ST3GAL3: variants seen among roughly 807,000 people sequenced by gnomAD.
ST3GAL3 encodes ST3 beta-galactoside alpha-2,3-sialyltransferase 3, also known as CMP-N-acetylneuraminate-beta-1,4-galactoside alpha-2,3-sialyltransferase.
A neutral mutation model predicts 50.1 loss-of-function variants in ST3GAL3; 21 were observed. That is an observed-to-expected ratio of 0.42 (90% CI 0.30 to 0.60). The LOEUF (loss-of-function observed/expected upper bound fraction) is 0.60. Among genes scored for constraint, ST3GAL3 ranks in the 20% least tolerant of loss-of-function variants. ST3GAL3 has a pLI of 0.19. For missense variants in ST3GAL3, 353 were observed against 489.4 expected (o/e 0.72, Z 2.63); for synonymous variants, 183 against 190.0 (o/e 0.96, Z 0.30).
intron 5 of ST3GAL3, among the ~76,000 whole-genome samples, chr1:43,849,332 T>C (rs2066854260): frequency 6.6e-6 from 1 of 152,108 alleles, no homozygotes; most frequent in South Asian, 2.1e-4. Flanking sequence ...GCAGCATCAA[T>C]ATTTTGACAG....
At chr1:43,893,383 A>G (rs1250383275) in intron 5 of ST3GAL3, among the ~76,000 whole-genome samples, 1 of 152,242 alleles carries the variant, frequency 6.6e-6, no homozygotes, top group Non-Finnish European at 1.5e-5. Flanking sequence ...TTCTCAGCAC[A>G]CAGTGAGTGA....
intron 2 of ST3GAL3, among the ~76,000 whole-genome samples, chr1:43,779,157 G>C (rs777134793): frequency 3.4e-5 from 5 of 147,826 alleles, no homozygotes; most frequent in South Asian, 2.2e-4. Flanking sequence ...TGCCAGGCTA[G>C]TCTCAAACTC....
Position 43,899,739 on chromosome 1 carries a change from T to G in ST3GAL3, c.744+12T>G. 1 of 1,613,142 alleles carries G rather than the reference T, an allele frequency of 6.2e-7. No individual in the cohort carries two copies. The highest frequency in any genetic ancestry group is 2.2e-5 in the East Asian group (1 of 44,866). ...ACAAGGAGAGAGTGGTAAGCTCTCC[T>G]GGCACCAGCTTCTTCCCCTCTTGCC... On this transcript the variant is annotated intron_variant, in intron 9 of 11. Coordinates refer to ENST00000347631, the MANE Select transcript of ST3GAL3 (RefSeq NM_006279.5). This position sits in a 1 kb window ranked among gnomAD's most constrained non-coding sequence, Gnocchi z 5.4.
rs28705699 is a variant in ST3GAL3 at position 43,918,640 on chromosome 1, T to C, written c.745-1764T>C. Among the ~76,000 whole-genome samples the C allele has an allele frequency of 5.3e-5, 8 of 152,274 alleles. No homozygotes were observed. The East Asian group carries it at 1.3e-3, about 26-fold the overall frequency. On this transcript the variant is annotated intron_variant, in intron 9 of 11. Transcript: ENST00000347631. Reference sequence around the variant, plus strand: ...TTGTAATAAGTGCAAACCCATAATATACTGTAATACCTAATTTTTAATTTG... The same window carrying C: ...TTGTAATAAGTGCAAACCCATAATACACTGTAATACCTAATTTTTAATTTG...
chr1:43,813,663 G>A (rs1237060936), intron 3 of ST3GAL3, among the ~76,000 whole-genome samples: 1 of 152,114 alleles, frequency 6.6e-6, no homozygotes. Context: ...CTTGCAGAAC[G>A]ACTCCTGGGA....
At chr1:43,898,698 G>C (rs803680) in intron 7 of ST3GAL3, among the ~76,000 whole-genome samples, 87,225 of 151,990 alleles carry the variant, frequency 0.57, 28,986 homozygotes, top group Non-Finnish European at 0.75. Context: ...AGGGATGGGA[G>C]AAGCAAGATG....
chr1:43,761,403 G>A (rs1014187203), intron 2 of ST3GAL3, among the ~76,000 whole-genome samples: 21 of 151,904 alleles, frequency 1.4e-4, no homozygotes, highest in African/African-American at 3.6e-4. Context: ...TATTGTGGTC[G>A]TGTAAAGAAA....
chr1:43,887,733 C>T (rs994795687), intron 5 of ST3GAL3, among the ~76,000 whole-genome samples: 2 of 152,142 alleles, frequency 1.3e-5, no homozygotes, highest in Non-Finnish European at 2.9e-5. Flanking sequence ...TAGATGATCG[C>T]TTGAAACTTG....
At chr1:43,721,496 G>T (rs1335639015) in intron 1 of ST3GAL3, among the ~76,000 whole-genome samples, 1 of 151,642 alleles carries the variant, frequency 6.6e-6, no homozygotes, top group Non-Finnish European at 1.5e-5. Flanking sequence ...TAGAGACGGG[G>T]TTTCTCTGTG....
intron 4 of ST3GAL3, among the ~76,000 whole-genome samples, chr1:43,828,712 A>C (rs1195715869): frequency 6.6e-6 from 1 of 152,158 alleles, no homozygotes; most frequent in Non-Finnish European, 1.5e-5. Flanking sequence ...AAATACTATC[A>C]CACCTATTAG....
chr1:43,730,405 A>G (rs1675096250), intron 1 of ST3GAL3, among the ~76,000 whole-genome samples: 1 of 152,076 alleles, frequency 6.6e-6, no homozygotes, highest in African/African-American at 2.4e-5. Context: ...AGAAAAGAAA[A>G]TTCTTTCTAA....
intron 1 of ST3GAL3, among the ~76,000 whole-genome samples, chr1:43,733,382 G>C (rs117287497): frequency 6.6e-6 from 1 of 152,262 alleles, no homozygotes; most frequent in East Asian, 1.9e-4. Context: ...TTCCCTACAG[G>C]TAAGCATGCT....
Position 43,930,326 on chromosome 1 carries a change from C to A in ST3GAL3, c.*105C>A. ...CCCAGAGAAGGACGGTGCCAAGGGC[C>A]CCAGGGGCAGCAAGGCCTTGGTGGA... On this transcript the variant is annotated 3_prime_UTR_variant, in exon 12 of 12. Coordinates refer to ENST00000347631, the MANE Select transcript of ST3GAL3 (RefSeq NM_006279.5). 8.7e-7 allele frequency: 1 copy of A among 1,149,150 alleles called. No homozygotes were observed. The highest frequency in any genetic ancestry group is 1.3e-6 in the Non-Finnish European group (1 of 768,678). 71.2% of individuals were successfully genotyped at this position (1,149,150 alleles called of 1,614,324 possible).
chr1:43,841,590 G>A (rs2065388928), intron 5 of ST3GAL3: 1 of 152,236 alleles, frequency 6.6e-6, no homozygotes, highest in Non-Finnish European at 1.5e-5. Context: ...GTTGCATAGG[G>A]GTGAGGCCCT....
At chr1:43,784,149 C>T (rs958454299) in intron 2 of ST3GAL3, among the ~76,000 whole-genome samples, 1 of 152,160 alleles carries the variant, frequency 6.6e-6, no homozygotes, top group Non-Finnish European at 1.5e-5. Flanking sequence ...AAGGTCATCT[C>T]ATACCAGCTT....
intron 3 of ST3GAL3, among the ~76,000 whole-genome samples, chr1:43,813,586 GA>G (rs2060823623): frequency 6.6e-6 from 1 of 152,132 alleles, no homozygotes; most frequent in Non-Finnish European, 1.5e-5. Flanking sequence ...TCAATTTTAA[GA>G]AGAGGATTTA....
chr1:43,774,731 TG>T (rs1696535599), intron 2 of ST3GAL3, among the ~76,000 whole-genome samples: 1 of 152,220 alleles, frequency 6.6e-6, no homozygotes, highest in African/African-American at 2.4e-5. Flanking sequence ...AAAGATGACC[TG>T]TTTCCAGATC....
At chr1:43,852,975 G>C (rs1398209234) in intron 5 of ST3GAL3, among the ~76,000 whole-genome samples, 1 of 152,100 alleles carries the variant, frequency 6.6e-6, no homozygotes, top group African/African-American at 2.4e-5. Flanking sequence ...AAAGATCCTA[G>C]AGTAAGTCAC....
intron 2 of ST3GAL3, among the ~76,000 whole-genome samples, chr1:43,786,045 C>G (rs951669014): frequency 6.6e-6 from 1 of 151,868 alleles, no homozygotes; most frequent in African/African-American, 2.4e-5. Flanking sequence ...CCTTTTTTCT[C>G]TATTCCCATT....
Sources: allele counts gnomAD v4.1 joint callset (sites outside exome capture counted in the v4.1 genomes callset), GRCh38; gene constraint gnomAD v4.1.1; non-coding constraint Gnocchi (gnomAD v3.1); transcripts MANE v1.5; gene names NCBI Gene and HGNC (gene_info 2026-07-23, HGNC 2026-07-21).